KIAA1210: variants seen among roughly 807,000 people sequenced by gnomAD.
KIAA1210 encodes acrosomal protein KIAA1210.
Under a neutral mutation model 78.9 loss-of-function variants are expected in KIAA1210, and 48 were observed. That is an observed-to-expected ratio of 0.61 (90% CI 0.48 to 0.77). The LOEUF is 0.77. Among genes scored for constraint, KIAA1210 ranks in the 30% least tolerant of loss-of-function variants. The probability of loss-of-function intolerance (pLI) is 0.00; values close to 1 mark genes in which losing one functional copy is unlikely to be tolerated. For missense variants in KIAA1210, 1,108 were observed against 1,100.0 expected (o/e 1.01, Z -0.10); for synonymous variants, 406 against 404.5 (o/e 1.00, Z -0.04).
chrX:119,147,622 A>G (rs772394985), intron 1 of KIAA1210: 3 of 1,200,272 alleles, frequency 2.5e-6, no homozygotes, highest in Non-Finnish European at 3.4e-6. Flanking sequence ...TCAGGAGTTA[A>G]TCATTAATGT....
At chrX:119,144,237 G>A (rs1603273470) in intron 2 of KIAA1210, among the ~76,000 whole-genome samples, 1 of 112,549 alleles carries the variant, frequency 8.9e-6, no homozygotes, top group East Asian at 2.8e-4. Context: ...ACACTGGTCA[G>A]GTGACCAACA....
At chrX:119,132,490 A>T (rs1928816492), upstream of KIAA1210, among the ~76,000 whole-genome samples, 1 of 111,289 alleles carries the variant, frequency 9.0e-6, no homozygotes. Flanking sequence ...TTTACGAAGA[A>T]CTTAAGTTGC....
At chrX:119,139,479 A>T (rs919690675) in intron 2 of KIAA1210, among the ~76,000 whole-genome samples, 5 of 111,567 alleles carry the variant, frequency 4.5e-5, no homozygotes, top group Non-Finnish European at 9.4e-5. Flanking sequence ...TATCCACACT[A>T]TATCACTCAT....
intron 2 of KIAA1210, among the ~76,000 whole-genome samples, chrX:119,138,541 G>A (rs759114498): frequency 2.7e-5 from 3 of 111,565 alleles, no homozygotes; most frequent in South Asian, 3.8e-4. Flanking sequence ...CTTAAGATAC[G>A]CCAGGTGCTA....
At chrX:119,102,483 A>G (rs960915943) in intron 6 of KIAA1210, among the ~76,000 whole-genome samples, 5 of 110,391 alleles carry the variant, frequency 4.5e-5, no homozygotes, top group African/African-American at 1.7e-4. Flanking sequence ...ACCTCAAGTG[A>G]TCCTCCTGCC....
exon 2 of KIAA1210, chrX:119,147,579 A>G (rs1603273793): frequency 8.3e-7 from 1 of 1,210,308 alleles, no homozygotes. Context: ...GCAGTGCCAC[A>G]AAAGCATCCA....
chrX:119,090,807 A>G (rs1306419345), intron 8 of KIAA1210, among the ~76,000 whole-genome samples: 1 of 111,462 alleles, frequency 9.0e-6, no homozygotes, highest in African/African-American at 3.3e-5. Flanking sequence ...CTTAACAGAA[A>G]GAGTGAAAGA....
At chrX:119,120,261 T>C (rs913536855) in intron 2 of KIAA1210, among the ~76,000 whole-genome samples, 12 of 112,172 alleles carry the variant, frequency 1.1e-4, no homozygotes, top group Admixed American at 1.9e-4. Context: ...TCTGGCCTTC[T>C]GAAAGGGGAA....
rs1286191376 is a variant in KIAA1210 at position 119,088,910 on chromosome X, G to A, written c.1792C>T (p.Pro598Ser). The change falls in exon 9 of 12, where the codon CCT becomes TCT. Residue 598 changes from proline to serine, a missense_variant. Transcript: ENST00000691062. ...PRSLFQSSRK[P>S]DAEEVSSDSE... is the part of the protein sequence containing the mutation. ...TCTGAGGAGACTTCTTCAGCATCAG[G>A]CTTCCTTGAGGACTGAAAAAGGCTT... The A allele has an allele frequency of 8.3e-7, 1 of 1,210,768 alleles. No individual in the cohort carries two copies.
At chrX:119,085,194 T>G (rs947233040) in intron 10 of KIAA1210, among the ~76,000 whole-genome samples, 189 bp downstream of exon 10, 6 of 112,253 alleles carry the variant, frequency 5.3e-5, no homozygotes, top group African/African-American at 1.9e-4. Flanking sequence ...CACAAACCCT[T>G]TAAGAGCATA....
intron 3 of KIAA1210, among the ~76,000 whole-genome samples, chrX:119,112,691 T>C (rs1410046817): frequency 2.7e-5 from 3 of 111,221 alleles, no homozygotes; most frequent in Non-Finnish European, 3.8e-5. Flanking sequence ...ATTGGCAAGG[T>C]TGTGGAGAAA....
intron 10 of KIAA1210, among the ~76,000 whole-genome samples, chrX:119,083,897 G>A (rs774863268): frequency 1.9e-5 from 2 of 104,698 alleles, no homozygotes; most frequent in African/African-American, 6.9e-5. Flanking sequence ...CTATGGCGGG[G>A]ATGAAGGGGA....
chrX:119,150,483 G>T, exon 1 of KIAA1210: 1 of 1,211,351 alleles, frequency 8.3e-7, no homozygotes, highest in Non-Finnish European at 1.1e-6. Context: ...CTGGCCCCTC[G>T]GTCCCTGGGG....
intron 8 of KIAA1210, among the ~76,000 whole-genome samples, chrX:119,093,189 A>G (rs1927441816): frequency 8.9e-6 from 1 of 112,176 alleles, no homozygotes; most frequent in East Asian, 2.8e-4. Flanking sequence ...GGGCAATAGT[A>G]TCATTATTAA....
In KIAA1210 at chrX:119,089,534, G is replaced by A. The variant is rs777601384; in HGVS notation, c.1168C>T (p.Leu390=). ...SLKQSSEGYG[L]GDRAGSSPTN... is the part of the protein sequence containing the mutation. ...GGTGAAGACCCAGCTCTATCGCCCAGGCCATACCCTTCACTGGATTGTTTA... is the reference window on the plus strand; with the variant it reads ...GGTGAAGACCCAGCTCTATCGCCCAAGCCATACCCTTCACTGGATTGTTTA... The change falls in exon 9 of 12, where the codon CTG becomes TTG. Residue 390 remains leucine (L), a synonymous_variant. Coordinates refer to ENST00000691062, the MANE Select transcript of KIAA1210 (RefSeq NM_001394962.1). The A allele has an allele frequency of 8.3e-7, 1 of 1,211,383 alleles. No individual in the cohort carries two copies. The highest frequency in any genetic ancestry group is 1.7e-5 in the African/African-American group (1 of 57,723).
intron 2 of KIAA1210, among the ~76,000 whole-genome samples, chrX:119,136,117 G>A (rs187577503): frequency 8.9e-6 from 1 of 111,784 alleles, no homozygotes; most frequent in Non-Finnish European, 1.9e-5. Context: ...ATTTTACATA[G>A]CTCATTGGAT....
At chrX:119,103,735 G>A (rs1166996538) in intron 6 of KIAA1210, among the ~76,000 whole-genome samples, 1 of 112,219 alleles carries the variant, frequency 8.9e-6, no homozygotes, top group East Asian at 2.8e-4. Flanking sequence ...ACAAAATGTG[G>A]TACATCCATA....
chrX:119,084,785 C>T (rs1449821462), intron 10 of KIAA1210, among the ~76,000 whole-genome samples: 1 of 112,312 alleles, frequency 8.9e-6, no homozygotes, highest in Non-Finnish European at 1.9e-5. Flanking sequence ...TGACTTACTC[C>T]TTATTTCTCA....
intron 1 of KIAA1210, among the ~76,000 whole-genome samples, chrX:119,124,853 C>T (rs1928577810): frequency 9.3e-6 from 1 of 107,462 alleles, no homozygotes; most frequent in Non-Finnish European, 1.9e-5. Context: ...CATGCCACTG[C>T]ACTGTAGCCT....
Sources: allele counts gnomAD v4.1 joint callset (sites outside exome capture counted in the v4.1 genomes callset), GRCh38; gene constraint gnomAD v4.1.1; transcripts MANE v1.5; gene names NCBI Gene and HGNC (gene_info 2026-07-23, HGNC 2026-07-21).